The following FAM135A variants were observed in gnomAD, a reference collection of about 807,000 sequenced individuals.
The protein encoded by FAM135A is family with sequence similarity 135 member A.
In FAM135A, 79 loss-of-function variants were observed where a neutral mutation model predicts 146.8. The observed-to-expected ratio is 0.54, with a 90% CI of 0.45 to 0.65. FAM135A has a LOEUF of 0.65. FAM135A is among the 30% of genes least tolerant of loss of function. The pLI is 0.00. For missense variants in FAM135A, 1,623 were observed against 1,758.2 expected (o/e 0.92, Z 1.38); for synonymous variants, 562 against 603.6 (o/e 0.93, Z 1.01).
chr6:70,459,343 A>T (rs1778972600), intron 5 of FAM135A, among the ~76,000 whole-genome samples: 1 of 152,152 alleles, frequency 6.6e-6, no homozygotes, highest in South Asian at 2.1e-4. Context: ...GTGGGATGGG[A>T]ATTAGATAGT....
chr6:70,529,897 C>T (rs1795465783), intron 16 of FAM135A, among the ~76,000 whole-genome samples: 1 of 151,998 alleles, frequency 6.6e-6, no homozygotes, highest in Non-Finnish European at 1.5e-5. Context: ...CCCGTCTCTA[C>T]TAAAAATACA....
intron 18 of FAM135A, among the ~76,000 whole-genome samples, chr6:70,534,109 G>A (rs1490538744): frequency 2.0e-5 from 3 of 151,834 alleles, no homozygotes; most frequent in African/African-American, 7.3e-5. Flanking sequence ...ATAACTACAG[G>A]ATATAGGATT....
chr6:70,425,928 C>T (rs1769986014), intron 2 of FAM135A, among the ~76,000 whole-genome samples: 1 of 151,698 alleles, frequency 6.6e-6, no homozygotes, highest in South Asian at 2.1e-4. Flanking sequence ...AAGGTGAAAC[C>T]CTGTTTCTAC....
intron 4 of FAM135A, among the ~76,000 whole-genome samples, chr6:70,435,445 A>C (rs999196680): frequency 6.6e-6 from 1 of 152,118 alleles, no homozygotes; most frequent in Non-Finnish European, 1.5e-5. Context: ...TCACAAAACC[A>C]TGGAACTTAA....
chr6:70,513,631 G>A (rs1483917689), intron 12 of FAM135A, among the ~76,000 whole-genome samples: 1 of 151,812 alleles, frequency 6.6e-6, no homozygotes, highest in African/African-American at 2.4e-5. Context: ...ATTATAAATG[G>A]TTTTTAAATT....
chr6:70,475,226 G>A (rs1782394749), intron 5 of FAM135A, among the ~76,000 whole-genome samples, 184 bp from the exon 6 acceptor site: 2 of 152,112 alleles, frequency 1.3e-5, no homozygotes, highest in Non-Finnish European at 1.5e-5. Flanking sequence ...TGCTCATAAT[G>A]TACTTATTTA....
rs1190731689 is a variant in FAM135A, at chr6:70,520,210, TA to T, written c.1030-2301del. ...ATGTGGTGTGGATTGGGAAAGCAAATAACTGAAACCAAGTGCAATTGTATCA... is the reference window on the plus strand; with the variant it reads ...ATGTGGTGTGGATTGGGAAAGCAAATACTGAAACCAAGTGCAATTGTATCA... On this transcript the variant is annotated intron_variant, in intron 12 of 21. Transcript: ENST00000418814. Among the ~76,000 whole-genome samples the T allele has an allele frequency of 9.9e-5, 15 of 152,244 alleles. No individual in the cohort carries two copies. The South Asian group carries it at 2.9e-3, about 29-fold the overall frequency.
Position 70,538,321 on chromosome 6 carries a change from C to A in FAM135A, c.4148C>A (p.Ser1383Ter). Residue 1383 changes from serine to a stop codon, truncating the protein, a stop_gained, in exon 20 of 22, where the codon TCA (serine) becomes TAA (stop). Coordinates refer to ENST00000418814, the MANE Select transcript of FAM135A (RefSeq NM_001162529.3). LOFTEE classifies it high-confidence loss of function. The stretch of plus-strand genomic sequence containing the variant: ...TGGTTTATGCAGAAATGGAAAAAAT[C>A]AGGTTCGCTTTTGCAGCTGACATGT... ...GLWFMQKWKK[S>*]GSLLQLTCRD... 6.6e-7 allele frequency: 1 copy of A among 1,522,958 alleles called. No homozygotes were observed. Among genetic ancestry groups the A allele is most frequent in the Admixed American group, 1.9e-5 (1 of 51,930 alleles). 94.3% of individuals were successfully genotyped at this position (1,522,958 alleles called of 1,614,324 possible).
intron 11 of FAM135A, among the ~76,000 whole-genome samples, chr6:70,493,394 A>G (rs574061414): frequency 4.6e-5 from 7 of 152,314 alleles, no homozygotes; most frequent in East Asian, 1.9e-4. Context: ...ACATGCGTCT[A>G]TATTAAATGT....
chr6:70,419,725 T>C (rs6922680), intron 2 of FAM135A, among the ~76,000 whole-genome samples: 6,496 of 152,250 alleles, frequency 0.043, 298 homozygotes, highest in African/African-American at 0.1. Context: ...GAATCTGCTG[T>C]TCCTTCATTT....
intron 20 of FAM135A, among the ~76,000 whole-genome samples, chr6:70,539,498 A>G (rs1327542724): frequency 6.6e-6 from 1 of 152,174 alleles, no homozygotes; most frequent in Non-Finnish European, 1.5e-5. Context: ...TCTTGCTAAT[A>G]CCTGCTATAG....
Position 70,483,748 on chromosome 6 carries a change from G to C in FAM135A, c.823+1594G>C, listed in dbSNP as rs140431769. On this transcript the variant is annotated intron_variant, in intron 10 of 21. Transcript: ENST00000418814. ...GACAGTATCATGTGCCTGAAAAACAGTGTGATGAAAAGTAGTGATGTAAAG... is the reference window on the plus strand; with the variant it reads ...GACAGTATCATGTGCCTGAAAAACACTGTGATGAAAAGTAGTGATGTAAAG... Among the ~76,000 whole-genome samples the C allele has an allele frequency of 6.5e-4, 99 of 152,248 alleles. 1 individual carries two copies. The highest frequency in any genetic ancestry group is 6.8e-3 in the Middle Eastern group (2 of 294).
chr6:70,458,933 A>G (rs1778900131), intron 5 of FAM135A, among the ~76,000 whole-genome samples: 1 of 152,150 alleles, frequency 6.6e-6, no homozygotes, highest in African/African-American at 2.4e-5. Flanking sequence ...TCTTTTCACT[A>G]TTAGTAAATT....
At chr6:70,513,108 CT>C (rs1304745960) in intron 12 of FAM135A, among the ~76,000 whole-genome samples, 1 of 151,328 alleles carries the variant, frequency 6.6e-6, no homozygotes, top group Non-Finnish European at 1.5e-5. Flanking sequence ...ATTTCTTGAC[CT>C]TTTTTCCTGT....
intron 20 of FAM135A, among the ~76,000 whole-genome samples, chr6:70,546,677 A>T (rs1279881816): frequency 5.9e-5 from 9 of 152,326 alleles, no homozygotes; most frequent in Non-Finnish European, 1.3e-4. Context: ...AACACAATAG[A>T]TCTGGTAAAG....
intron 12 of FAM135A, among the ~76,000 whole-genome samples, chr6:70,507,536 G>T (rs892779684): frequency 6.6e-6 from 1 of 152,110 alleles, no homozygotes; most frequent in African/African-American, 2.4e-5. Flanking sequence ...GTGAAGCAAA[G>T]AGTTGGACTA....
intron 11 of FAM135A, among the ~76,000 whole-genome samples, chr6:70,494,275 A>G (rs2128226827): frequency 6.6e-6 from 1 of 152,142 alleles, no homozygotes; most frequent in South Asian, 2.1e-4. Context: ...GCATTTTGCA[A>G]TCAAACAAGA....
chr6:70,414,439 A>G lies in FAM135A; in HGVS notation c.-220+737A>G, dbSNP rs146558753. 3.4e-4 allele frequency among the ~76,000 whole-genome samples: 52 copies of G among 151,452 alleles called. 1 individual carries two copies. In the East Asian group the frequency reaches 9.7e-3, roughly 28 times the overall value. ...CATCGCTTTCTGTCTAATGGCCCCT[A>G]TCCTCACGTCCTTTTCCATTCTGCA... is the stretch of plus-strand genomic sequence containing the variant. On this transcript the variant is annotated intron_variant, in intron 1 of 21. Transcript: ENST00000418814.
At chr6:70,555,728 A>AGG (rs140142745) in intron 20 of FAM135A, among the ~76,000 whole-genome samples, 2 of 151,626 alleles carry the variant, frequency 1.3e-5, no homozygotes, top group African/African-American at 4.9e-5. Flanking sequence ...GTGAGAATGA[A>AGG]GGGGGGGGAG....
Sources: allele counts gnomAD v4.1 joint callset (sites outside exome capture counted in the v4.1 genomes callset), GRCh38; gene constraint gnomAD v4.1.1; transcripts MANE v1.5; gene names NCBI Gene and HGNC (gene_info 2026-07-23, HGNC 2026-07-21).